The following POFUT1 variants were observed in gnomAD, a reference collection of about 807,000 sequenced individuals.
The protein encoded by POFUT1 is GDP-fucose protein O-fucosyltransferase 1.
A neutral mutation model predicts 42.4 loss-of-function variants in POFUT1; 16 were observed. The observed-to-expected ratio is 0.38, with a 90% CI of 0.26 to 0.57. The LOEUF is 0.57. Ranked by LOEUF, POFUT1 falls within the 20% of genes least tolerant of loss-of-function variation. The pLI is 0.71. For missense variants in POFUT1, 470 were observed against 504.6 expected (o/e 0.93, Z 0.66); for synonymous variants, 206 against 205.4 (o/e 1.00, Z -0.03).
chr20:32,218,652 G>A (rs922218572), intron 4 of POFUT1, among the ~76,000 whole-genome samples: 2 of 151,946 alleles, frequency 1.3e-5, no homozygotes, highest in African/African-American at 4.8e-5. Flanking sequence ...ATTCACCTCC[G>A]AATGACCTGG....
rs1017787068 is a variant in POFUT1, at chr20:32,235,188, A to C, written c.*527A>C. On this transcript the variant is annotated 3_prime_UTR_variant, in exon 7 of 7. Transcript: ENST00000375749. Reference sequence around the variant, plus strand: ...TCCCCCAATGTGGCCCTCAAGAGCCATCCCCACTGCCTGGCCAGAGCCATT... The same window carrying C: ...TCCCCCAATGTGGCCCTCAAGAGCCCTCCCCACTGCCTGGCCAGAGCCATT... 1.3e-5 allele frequency: 2 copies of C among 153,586 alleles called. No homozygotes were observed. The highest frequency in any genetic ancestry group is 4.8e-5 in the African/African-American group (2 of 41,468). The allele number at this position is 153,586 out of a possible 1,614,324, so 9.5% of individuals were successfully genotyped here.
intron 2 of POFUT1, among the ~76,000 whole-genome samples, chr20:32,211,464 G>C (rs912316897): frequency 6.6e-6 from 1 of 152,094 alleles, no homozygotes; most frequent in African/African-American, 2.4e-5. Context: ...TAGAGACAGG[G>C]TTTCACCATG....
At chr20:32,219,748 C>T (rs1252706255) in intron 4 of POFUT1, among the ~76,000 whole-genome samples, 1 of 152,110 alleles carries the variant, frequency 6.6e-6, no homozygotes, top group East Asian at 1.9e-4. Flanking sequence ...CCACCCGCCT[C>T]GGCCTCCCAA....
intron 6 of POFUT1, 34 bp downstream of exon 6, chr20:32,231,095 G>A (rs1435013216): frequency 1.9e-6 from 3 of 1,612,728 alleles, no homozygotes; most frequent in African/African-American, 1.3e-5. Flanking sequence ...GCAGTAGGAA[G>A]GGAATGAAAG....
chr20:32,234,600 AG>A lies in POFUT1; in HGVS notation c.1110del (p.Arg371GlyfsTer35). Reference sequence around the variant, plus strand: ...TTTGTGAAGCGGGAGCGGGACCTCCAGGGGAGGCCGTCTTCTTTCTTCGGCA... The same window carrying A: ...TTTGTGAAGCGGGAGCGGGACCTCCAGGGAGGCCGTCTTCTTTCTTCGGCA... ...TAFVKRERDL[Q>X]GRPSSFFGMD... On this transcript the variant is annotated frameshift_variant, in exon 7 of 7. Transcript: ENST00000375749. LOFTEE classifies it high-confidence loss of function. 3.1e-6 allele frequency: 5 copies of A among 1,614,094 alleles called. No homozygotes were observed. Among genetic ancestry groups the A allele is most frequent in the Non-Finnish European group, 4.2e-6 (5 of 1,179,974 alleles).
intron 5 of POFUT1, 72 bp from the exon 6 acceptor site, chr20:32,230,747 C>A: frequency 6.4e-7 from 1 of 1,555,534 alleles, no homozygotes; most frequent in South Asian, 1.1e-5. Context: ...TGTCTTTTTC[C>A]ACTTACCAGG....
In POFUT1 at chr20:32,216,640, A is replaced by G. The variant is rs970869152; in HGVS notation, c.461A>G (p.Gln154Arg). ...EGNPFGPFWDQFHVSFNKSEL... is the reference protein window; with the variant it reads ...EGNPFGPFWDRFHVSFNKSEL... The stretch of plus-strand genomic sequence containing the variant: ...AACCCCTTTGGCCCATTCTGGGATC[A>G]GTTTCATGTGAGTTTCAACAAGTCG... Residue 154 changes from glutamine to arginine, a missense_variant, in exon 4 of 7, where the codon CAG (glutamine) becomes CGG (arginine). Coordinates refer to ENST00000375749, the MANE Select transcript of POFUT1 (RefSeq NM_015352.2). 1.2e-6 allele frequency: 2 copies of G among 1,613,682 alleles called. No homozygotes were observed. Among genetic ancestry groups the G allele is most frequent in the Admixed American group, 3.3e-5 (2 of 60,018 alleles).
chr20:32,208,171 C>T, intron 1 of POFUT1, 106 bp downstream of exon 1: 1 of 1,180,912 alleles, frequency 8.5e-7, no homozygotes, highest in South Asian at 1.4e-5. Context: ...CAGGAGAGAA[C>T]CTCAGAGCGG....
chr20:32,217,407 C>T lies in POFUT1; in HGVS notation c.542+686C>T, dbSNP rs140012641. 6.1e-5 allele frequency: 63 copies of T among 1,039,190 alleles called. No individual in the cohort carries two copies. The African/African-American group carries it at 9.1e-4, about 15-fold the overall frequency. 64.4% of individuals were successfully genotyped at this position (1,039,190 alleles called of 1,614,324 possible). A position where few individuals can be genotyped will look rare whatever the true frequency, so the allele number is the denominator to read the frequency against. Reference sequence around the variant, plus strand: ...GACATTGGTTAGGAGGTGCAGGGAACATACTAATTCATGTGCGGTCAAAGC... The same window carrying T: ...GACATTGGTTAGGAGGTGCAGGGAATATACTAATTCATGTGCGGTCAAAGC... On this transcript the variant is annotated intron_variant, in intron 4 of 6. Transcript: ENST00000375749.
chr20:32,214,016 A>G (rs1315544651), intron 2 of POFUT1, among the ~76,000 whole-genome samples: 3 of 152,044 alleles, frequency 2.0e-5, no homozygotes, highest in Admixed American at 1.3e-4. Flanking sequence ...GTTCCTTCCT[A>G]TACTTTCATT....
intron 2 of POFUT1, among the ~76,000 whole-genome samples, chr20:32,211,453 GT>G (rs1307272304): frequency 6.6e-6 from 1 of 152,094 alleles, no homozygotes; most frequent in Non-Finnish European, 1.5e-5. Context: ...TGTATTTTTA[GT>G]AGAGACAGGG....
Position 32,230,920 on chromosome 20 carries a change from G to C in POFUT1, c.837G>C (p.Thr279=). ...GCCGCAGCACAGCGGCCCCCCTCACGATGACTATGTGCCTGCCTGACCTGA... is the reference window on the plus strand; with the variant it reads ...GCCGCAGCACAGCGGCCCCCCTCACCATGACTATGTGCCTGCCTGACCTGA... ...GYSRSTAAPL[T]MTMCLPDLKE... The change falls in exon 6 of 7, where the codon ACG becomes ACC. Residue 279 remains threonine, a synonymous_variant. Coordinates refer to ENST00000375749, the MANE Select transcript of POFUT1 (RefSeq NM_015352.2). 1 of 1,614,168 alleles carries C rather than the reference G, an allele frequency of 6.2e-7. No homozygotes were observed. The highest frequency in any genetic ancestry group is 8.5e-7 in the Non-Finnish European group (1 of 1,180,022).
In POFUT1 at chr20:32,236,756, T is replaced by G. The variant is rs1426291637; in HGVS notation, c.*2095T>G. 1 of 152,244 alleles carries G rather than the reference T, an allele frequency of 6.6e-6. No individual in the cohort carries two copies. Among genetic ancestry groups the G allele is most frequent in the East Asian group, 1.9e-4 (1 of 5,202 alleles). 9.4% of individuals were successfully genotyped at this position (152,244 alleles called of 1,614,324 possible). On this transcript the variant is annotated 3_prime_UTR_variant, in exon 7 of 7. Transcript: ENST00000375749. Reference sequence around the variant, plus strand: ...GATTAATTTGACTGCTTCTCGTTGCTCGTCACCTCCATGCCAGGCACTGTG... The same window carrying G: ...GATTAATTTGACTGCTTCTCGTTGCGCGTCACCTCCATGCCAGGCACTGTG...
At chr20:32,212,607 A>T (rs1211213305) in intron 2 of POFUT1, among the ~76,000 whole-genome samples, 1 of 151,940 alleles carries the variant, frequency 6.6e-6, no homozygotes, top group Admixed American at 6.6e-5. Flanking sequence ...TTTGATGAAG[A>T]GTCTCGCTCT....
chr20:32,215,682 T>C (rs1451891684), intron 3 of POFUT1, among the ~76,000 whole-genome samples: 1 of 152,228 alleles, frequency 6.6e-6, no homozygotes, highest in African/African-American at 2.4e-5. Context: ...CAGTCCCTGC[T>C]CTGTCTCACT....
intron 4 of POFUT1, chr20:32,217,032 C>T: frequency 1.2e-6 from 2 of 1,614,038 alleles, no homozygotes; most frequent in African/African-American, 1.3e-5. Flanking sequence ...CCTGTGTTAC[C>T]TTACTCTTCC....
intron 4 of POFUT1, among the ~76,000 whole-genome samples, chr20:32,225,159 G>A (rs537096482): frequency 2.0e-5 from 3 of 152,112 alleles, no homozygotes; most frequent in Admixed American, 1.3e-4. Context: ...ATTGTATATC[G>A]TAAATATATA....
chr20:32,238,284 C>T lies in POFUT1; in HGVS notation c.*3623C>T, dbSNP rs2047483513. ...GCGTGGTGGCACATGCCTGTATTCCCAGCTGCTTGGGAGGCTGAGGCAGGA... is the reference window on the plus strand; with the variant it reads ...GCGTGGTGGCACATGCCTGTATTCCTAGCTGCTTGGGAGGCTGAGGCAGGA... On this transcript the variant is annotated 3_prime_UTR_variant, in exon 7 of 7. Coordinates refer to ENST00000375749, the MANE Select transcript of POFUT1 (RefSeq NM_015352.2). 1.3e-5 allele frequency: 2 copies of T among 159,650 alleles called. No individual in the cohort carries two copies. Among genetic ancestry groups the T allele is most frequent in the South Asian group, 1.8e-4 (1 of 5,634 alleles). 9.9% of individuals were successfully genotyped at this position (159,650 alleles called of 1,614,324 possible).
At chr20:32,209,303 TCTC>T (rs1342579897) in intron 1 of POFUT1, among the ~76,000 whole-genome samples, 2 of 152,220 alleles carry the variant, frequency 1.3e-5, no homozygotes, top group Non-Finnish European at 2.9e-5. Context: ...ACCCAAGTAA[TCTC>T]CTCATTACCC....
Sources: allele counts gnomAD v4.1 joint callset (sites outside exome capture counted in the v4.1 genomes callset), GRCh38; gene constraint gnomAD v4.1.1; transcripts MANE v1.5; gene names NCBI Gene and HGNC (gene_info 2026-07-23, HGNC 2026-07-21).